The following SPAG17 variants were observed in gnomAD, a reference collection of about 807,000 sequenced individuals.
SPAG17 encodes the protein sperm-associated antigen 17.
Under a neutral mutation model 273.6 loss-of-function variants are expected in SPAG17, and 169 were observed. That is an observed-to-expected ratio of 0.62 (90% confidence interval 0.55 to 0.70). The LOEUF is 0.70. Among genes scored for constraint, SPAG17 ranks in the 30% least tolerant of loss-of-function variants. The pLI is 0.00. For synonymous variants in SPAG17, 825 were observed against 873.2 expected (o/e 0.94, Z 0.97); for missense variants, 2,557 against 2,627.8 (o/e 0.97, Z 0.59).
rs149490256 is a variant in SPAG17 at position 118,060,874 on chromosome 1, T to G, written c.2541-4960A>C. Among the ~76,000 whole-genome samples, 750 of 152,300 alleles carry G rather than the reference T, an allele frequency of 4.9e-3. 7 individuals carry two copies. The highest frequency in any genetic ancestry group is 0.017 in the African/African-American group (725 of 41,572). ...CGTCATGTTCCTTGAAGTTTTCTGT[T>G]GCTGTCTTTGCAATTTAAGAAGCAG... On this transcript the variant is annotated intron_variant, in intron 18 of 48. Transcript: ENST00000336338.
At chr1:118,176,110 A>G (rs1207977480) in intron 1 of SPAG17, among the ~76,000 whole-genome samples, 1 of 152,178 alleles carries the variant, frequency 6.6e-6, no homozygotes, top group Non-Finnish European at 1.5e-5. Context: ...ATAGATTCAT[A>G]AAAATAAAAA....
intron 28 of SPAG17, among the ~76,000 whole-genome samples, chr1:118,022,507 C>A (rs554820179): frequency 6.6e-6 from 1 of 152,180 alleles, no homozygotes; most frequent in South Asian, 2.1e-4. Context: ...TAATAAGATG[C>A]ATTGATTATC....
intron 15 of SPAG17, among the ~76,000 whole-genome samples, chr1:118,077,430 C>A (rs1037978979): frequency 6.6e-5 from 10 of 152,100 alleles, no homozygotes; most frequent in Admixed American, 5.2e-4. Flanking sequence ...TAGGAAGTTA[C>A]TATTCATATA....
chr1:117,986,392 C>CT (rs1454444365), intron 40 of SPAG17, among the ~76,000 whole-genome samples: 20 of 152,278 alleles, frequency 1.3e-4, no homozygotes, highest in African/African-American at 4.6e-4. Flanking sequence ...TGACCAGCTT[C>CT]TATTTCCTTG....
intron 1 of SPAG17, among the ~76,000 whole-genome samples, chr1:118,166,872 A>T (rs1233774465): frequency 6.6e-6 from 1 of 152,182 alleles, no homozygotes; most frequent in Admixed American, 6.5e-5. Flanking sequence ...TTTTCCAAAA[A>T]GTTTGCTTTC....
At chr1:117,970,524 G>T (rs1654434751) in intron 45 of SPAG17, among the ~76,000 whole-genome samples, 1 of 152,194 alleles carries the variant, frequency 6.6e-6, no homozygotes, top group Non-Finnish European at 1.5e-5. Flanking sequence ...AGCCAGCCTT[G>T]CTCTGTCTTG....
chr1:118,116,853 G>T (rs1276790419), intron 3 of SPAG17, among the ~76,000 whole-genome samples: 1 of 152,198 alleles, frequency 6.6e-6, no homozygotes, highest in African/African-American at 2.4e-5. Flanking sequence ...ACAGTGCTTT[G>T]CTTTTTATGG....
At chr1:117,955,370 C>G (rs1269964153) in intron 48 of SPAG17, 2 of 1,610,262 alleles carry the variant, frequency 1.2e-6, no homozygotes, top group Non-Finnish European at 1.7e-6. Context: ...TGAGTGAGTC[C>G]TTGCGCACAA....
chr1:118,142,315 C>T (rs574975824), intron 3 of SPAG17, among the ~76,000 whole-genome samples: 55 of 152,170 alleles, frequency 3.6e-4, no homozygotes, highest in African/African-American at 1.2e-3. Flanking sequence ...CATCAGGGGC[C>T]AGGGTGCAGG....
chr1:118,095,963 GTC>G (rs1321002910), intron 7 of SPAG17, among the ~76,000 whole-genome samples: 3 of 152,166 alleles, frequency 2.0e-5, no homozygotes, highest in Admixed American at 6.5e-5. Context: ...GGAGTTTGGA[GTC>G]TCTAGTCTTT....
intron 31 of SPAG17, among the ~76,000 whole-genome samples, chr1:118,006,646 T>C (rs141362896): frequency 6.6e-6 from 1 of 152,348 alleles, no homozygotes; most frequent in East Asian, 1.9e-4. Context: ...AGTTTACCTT[T>C]TGAGGAAGTG....
chr1:118,126,612 T>C (rs1325540004), intron 3 of SPAG17, among the ~76,000 whole-genome samples: 2 of 152,158 alleles, frequency 1.3e-5, no homozygotes, highest in Non-Finnish European at 2.9e-5. Context: ...AATTTGCAAA[T>C]ATTGTCTCCC....
At chr1:118,086,463 C>T (rs900677532) in intron 12 of SPAG17, among the ~76,000 whole-genome samples, 1 of 152,126 alleles carries the variant, frequency 6.6e-6, no homozygotes, top group African/African-American at 2.4e-5. Flanking sequence ...AATTAGACCT[C>T]AATAATCAGG....
chr1:118,145,384 G>C (rs1442289569), intron 3 of SPAG17, among the ~76,000 whole-genome samples: 1 of 152,072 alleles, frequency 6.6e-6, no homozygotes, highest in Non-Finnish European at 1.5e-5. Flanking sequence ...AATACATGTT[G>C]GAAAAGACCT....
chr1:118,003,007 G>A (rs926713585), intron 32 of SPAG17, among the ~76,000 whole-genome samples: 1 of 152,180 alleles, frequency 6.6e-6, no homozygotes, highest in African/African-American at 2.4e-5. Context: ...GGGTGCTCTT[G>A]TAAGGCAGGC....
At chr1:118,166,469 A>G (rs1337497500) in intron 1 of SPAG17, among the ~76,000 whole-genome samples, 1 of 152,180 alleles carries the variant, frequency 6.6e-6, no homozygotes, top group Non-Finnish European at 1.5e-5. Flanking sequence ...TCATCCATAG[A>G]TGGATCTTAT....
At chr1:118,142,839 C>T (rs561565596) in intron 3 of SPAG17, among the ~76,000 whole-genome samples, 2 of 152,154 alleles carry the variant, frequency 1.3e-5, no homozygotes, top group Non-Finnish European at 2.9e-5. Flanking sequence ...CTAGGTATAT[C>T]GCTCACCAAA....
chr1:118,048,623 C>T (rs1034681978), intron 20 of SPAG17, among the ~76,000 whole-genome samples: 9 of 152,200 alleles, frequency 5.9e-5, no homozygotes, highest in African/African-American at 1.7e-4. Context: ...ATCAGCCGGG[C>T]GCAGTGGCTC....
chr1:118,111,736 T>C (rs1656773954), intron 4 of SPAG17, among the ~76,000 whole-genome samples: 2 of 152,236 alleles, frequency 1.3e-5, no homozygotes, highest in Admixed American at 1.3e-4. Context: ...CATGATGTAT[T>C]ATCAAACGTA....
Sources: allele counts gnomAD v4.1 joint callset (sites outside exome capture counted in the v4.1 genomes callset), GRCh38; gene constraint gnomAD v4.1.1; transcripts MANE v1.5; gene names NCBI Gene and HGNC (gene_info 2026-07-23, HGNC 2026-07-21).